SLC16A1: variants seen among roughly 807,000 people sequenced by gnomAD.
SLC16A1 encodes the protein solute carrier family 16 member 1.
SLC16A1 carries 11 observed loss-of-function variants against 32.2 expected under a neutral mutation model. The ratio of observed to expected loss-of-function variants is 0.34; its 90% CI spans 0.21 to 0.56. SLC16A1 has a LOEUF of 0.56. Ranked by LOEUF, SLC16A1 falls within the 20% of genes least tolerant of loss-of-function variation. The pLI, the probability that SLC16A1 is intolerant of heterozygous loss-of-function variation, is 0.87. For synonymous variants in SLC16A1, 231 were observed against 226.8 expected, an observed-to-expected ratio of 1.02 and a Z score of -0.17; for missense variants, 435 against 615.0, an observed-to-expected ratio of 0.71 and a Z score of 3.10.
chr1:112,929,066 A>G, intron 2 of SLC16A1, 26 bp downstream of exon 2: 1 of 1,558,832 alleles, frequency 6.4e-7, no homozygotes, highest in Non-Finnish European at 8.8e-7. Context: ...TGAAAATTAA[A>G]AGAGCAGGCC....
chr1:112,944,461 C>A (rs1649624185), intron 1 of SLC16A1, among the ~76,000 whole-genome samples: 1 of 151,888 alleles, frequency 6.6e-6, no homozygotes, highest in African/African-American at 2.4e-5. Flanking sequence ...AAAACAAAGC[C>A]CCACAAAGTA....
At position 112,917,018 on chromosome 1, in the gene SLC16A1, C is replaced by A. The variant is rs574812501; in HGVS notation, c.1228+160G>T. On this transcript the variant is annotated intron_variant, in intron 4 of 4. Coordinates refer to ENST00000369626, the MANE Select transcript of SLC16A1 (RefSeq NM_003051.4). This position sits in a 1 kb window ranked among gnomAD's most constrained non-coding sequence, Gnocchi z 4.1. ...CATTTAATTAGATTCTATATTTGAG[C>A]AATTATGCTGTGCCAAGCATTGTCC... 8.0e-6 allele frequency: 7 copies of A among 879,158 alleles called. No homozygotes were observed. Among genetic ancestry groups the A allele is most frequent in the Non-Finnish European group, 1.1e-5 (6 of 549,448 alleles). The allele number at this position is 879,158 out of a possible 1,614,324, so 54.5% of individuals were successfully genotyped here. A position where few individuals can be genotyped will look rare whatever the true frequency, so the allele number is the denominator to read the frequency against.
At chr1:112,923,974 A>G in intron 2 of SLC16A1, 1 of 1,472,948 alleles carries the variant, frequency 6.8e-7, no homozygotes, top group Non-Finnish European at 9.5e-7. Flanking sequence ...ACTGGCAAGT[A>G]CAAGTATAAG....
At chr1:112,935,438 A>G (rs550298036) in intron 1 of SLC16A1, among the ~76,000 whole-genome samples, 13 of 152,300 alleles carry the variant, frequency 8.5e-5, no homozygotes, top group African/African-American at 2.9e-4. Flanking sequence ...TGAAATTAAT[A>G]ACACATTAAC....
intron 2 of SLC16A1, among the ~76,000 whole-genome samples, chr1:112,924,884 A>C (rs1415302297): frequency 1.3e-5 from 2 of 152,124 alleles, no homozygotes; most frequent in East Asian, 3.9e-4. Context: ...AAAACAAACA[A>C]ACAAAAAAAA....
chr1:112,923,536 GCCAGTCCAAGA>G, intron 2 of SLC16A1: 1 of 1,122,014 alleles, frequency 8.9e-7, no homozygotes, highest in Non-Finnish European at 1.4e-6. Flanking sequence ...TACAGCGACA[GCCAGTCCAAGA>G]CCATCCTGGG....
At chr1:112,938,295 G>C (rs1649379541) in intron 1 of SLC16A1, among the ~76,000 whole-genome samples, 1 of 152,182 alleles carries the variant, frequency 6.6e-6, no homozygotes, top group South Asian at 2.1e-4. Context: ...TGCTGCTAAA[G>C]TAGATAACCT....
chr1:112,919,049 G>A (rs562945813), intron 3 of SLC16A1, among the ~76,000 whole-genome samples: 2 of 63,942 alleles, frequency 3.1e-5, no homozygotes, highest in Non-Finnish European at 7.4e-5. Flanking sequence ...ATTTATTTTT[G>A]AGACAGAGTC....
Position 112,917,590 on chromosome 1 carries a change from G to A in SLC16A1, c.816C>T (p.Ile272=). The change falls in exon 4 of 5, where the codon ATC becomes ATT. Residue 272 remains isoleucine (I), a synonymous_variant. Coordinates refer to ENST00000369626, the MANE Select transcript of SLC16A1 (RefSeq NM_003051.4). This position sits in a 1 kb window ranked among gnomAD's most constrained non-coding sequence, Gnocchi z 4.1. ...AAGGTGCAAAGAGTCCAAAAAACAT[G>A]ATCACATTTCCAGAGAGGTATAGCA... The part of the protein sequence containing the change: ...GFLLYLSGNV[I]MFFGLFAPLV... The A allele has an allele frequency of 6.2e-7, 1 of 1,614,148 alleles. No individual in the cohort carries two copies. The highest frequency in any genetic ancestry group is 8.5e-7 in the Non-Finnish European group (1 of 1,180,026).
chr1:112,916,699 A>C (rs1171302575), intron 4 of SLC16A1, among the ~76,000 whole-genome samples: 2 of 151,902 alleles, frequency 1.3e-5, no homozygotes, highest in Non-Finnish European at 1.5e-5. Flanking sequence ...GGAGGCTGAG[A>C]CAAGTGGATC....
chr1:112,926,646 G>A (rs1018622234), intron 2 of SLC16A1, among the ~76,000 whole-genome samples: 5 of 152,128 alleles, frequency 3.3e-5, no homozygotes, highest in Admixed American at 1.3e-4. Context: ...GGCCAAGGTG[G>A]GCAGATTGTT....
At chr1:112,948,092 C>T (rs1221576556) in intron 1 of SLC16A1, among the ~76,000 whole-genome samples, 2 of 152,082 alleles carry the variant, frequency 1.3e-5, no homozygotes, top group African/African-American at 2.4e-5. Context: ...TGGTGGTATG[C>T]GCCTATAATC....
intron 4 of SLC16A1, among the ~76,000 whole-genome samples, chr1:112,916,485 C>A (rs1570618520): frequency 2.1e-5 from 2 of 94,594 alleles, no homozygotes; most frequent in East Asian, 3.3e-4. Context: ...GCAACAAGAC[C>A]AAGACTGTCT....
chr1:112,949,439 G>A (rs1320330408), intron 1 of SLC16A1, among the ~76,000 whole-genome samples: 1 of 152,154 alleles, frequency 6.6e-6, no homozygotes, highest in Non-Finnish European at 1.5e-5. Flanking sequence ...TCATTTGTGA[G>A]GTCAGAATTT....
chr1:112,920,294 G>A (rs1418169724), intron 3 of SLC16A1, among the ~76,000 whole-genome samples: 1 of 152,072 alleles, frequency 6.6e-6, no homozygotes, highest in Admixed American at 6.5e-5. Context: ...CCAACATGGT[G>A]AAACCCCGTC....
chr1:112,926,307 G>T (rs1019005148), intron 2 of SLC16A1, among the ~76,000 whole-genome samples: 56 of 152,184 alleles, frequency 3.7e-4, no homozygotes, highest in African/African-American at 1.4e-3. Flanking sequence ...AGAACTGGCC[G>T]TTGCCAGGCG....
intron 3 of SLC16A1, 38 bp from the exon 4 acceptor site, chr1:112,918,082 A>G: frequency 8.9e-7 from 1 of 1,119,624 alleles, no homozygotes; most frequent in Non-Finnish European, 1.1e-6. Flanking sequence ...ATAAATAAAT[A>G]AATAAATAAA....
intron 1 of SLC16A1, among the ~76,000 whole-genome samples, chr1:112,946,201 G>T (rs1649698805): frequency 6.6e-6 from 1 of 151,978 alleles, no homozygotes. Context: ...GTAACAAAGG[G>T]TTATTTTTTC....
chr1:112,949,211 G>A (rs957206112), intron 1 of SLC16A1, among the ~76,000 whole-genome samples: 3 of 151,956 alleles, frequency 2.0e-5, no homozygotes, highest in East Asian at 1.9e-4. Flanking sequence ...CACCATGCCC[G>A]GCTAATTTTG....
Sources: allele counts gnomAD v4.1 joint callset (sites outside exome capture counted in the v4.1 genomes callset), GRCh38; gene constraint gnomAD v4.1.1; non-coding constraint Gnocchi (gnomAD v3.1); transcripts MANE v1.5; gene names NCBI Gene and HGNC (gene_info 2026-07-23, HGNC 2026-07-21).